The following PKHD1 variants were observed in gnomAD, a reference collection of about 807,000 sequenced individuals.
The protein encoded by PKHD1 is fibrocystin.
A neutral mutation model predicts 412.0 loss-of-function variants in PKHD1; 291 were observed. The ratio of observed to expected loss-of-function variants is 0.71; its 90% CI spans 0.64 to 0.78. The LOEUF is 0.78. Among genes scored for constraint, PKHD1 ranks in the 30% least tolerant of loss-of-function variants. The probability of loss-of-function intolerance (pLI) is 0.00; values close to 1 mark genes in which losing one functional copy is unlikely to be tolerated. For missense variants in PKHD1, 4,825 were observed against 4,950.7 expected (o/e 0.97, Z 0.76); for synonymous variants, 1,777 against 1,821.5 (o/e 0.98, Z 0.62).
intron 53 of PKHD1, among the ~76,000 whole-genome samples, chr6:51,786,961 C>G (rs979724128): frequency 6.6e-6 from 1 of 152,212 alleles, no homozygotes; most frequent in African/African-American, 2.4e-5. Context: ...AGCTATGGCC[C>G]TCTAAGCAAA....
At chr6:51,637,645 C>T (rs1044798387) in intron 64 of PKHD1, among the ~76,000 whole-genome samples, 4 of 151,422 alleles carry the variant, frequency 2.6e-5, no homozygotes, top group Non-Finnish European at 5.9e-5. Context: ...GTGACTGATG[C>T]CTGTAATCCC....
intron 46 of PKHD1, among the ~76,000 whole-genome samples, chr6:51,877,263 C>A (rs1482244024): frequency 1.4e-5 from 1 of 72,094 alleles, no homozygotes; most frequent in African/African-American, 7.0e-5. Context: ...ACCAAGCAGA[C>A]CTAATAGACA....
At chr6:51,949,524 G>A (rs543464058) in intron 36 of PKHD1, among the ~76,000 whole-genome samples, 3 of 152,280 alleles carry the variant, frequency 2.0e-5, no homozygotes, top group African/African-American at 4.8e-5. Context: ...ATTGTGACAC[G>A]GATGGACACA....
intron 60 of PKHD1, among the ~76,000 whole-genome samples, chr6:51,688,760 T>A (rs1777775837): frequency 6.6e-6 from 1 of 152,094 alleles, no homozygotes; most frequent in Admixed American, 6.5e-5. Flanking sequence ...AAGAAATGGA[T>A]AAATTCCTGG....
At position 52,034,753 on chromosome 6, in the gene PKHD1, A is replaced by T. The variant is rs181285970; in HGVS notation, c.3228+838T>A. On this transcript the variant is annotated intron_variant, in intron 28 of 66. Coordinates refer to ENST00000371117, the MANE Select transcript of PKHD1 (RefSeq NM_138694.4). ...TTTAGAAATTATCTAAGTGTCTGGT[A>T]ATAAGGAATAGTTAAACAAATTAGA... 6.8e-3 allele frequency among the ~76,000 whole-genome samples: 1,030 copies of T among 152,356 alleles called. 5 individuals are homozygous for T. Among genetic ancestry groups the T allele is most frequent in the Non-Finnish European group, 9.5e-3 (643 of 68,030 alleles).
chr6:51,788,936 G>A (rs779549698), intron 53 of PKHD1, among the ~76,000 whole-genome samples: 1 of 152,130 alleles, frequency 6.6e-6, no homozygotes, highest in Non-Finnish European at 1.5e-5. Flanking sequence ...GGTGCCCAGA[G>A]GTTGACTTGC....
At position 51,705,371 on chromosome 6, in the gene PKHD1, C is replaced by T. The variant is rs551687232; in HGVS notation, c.10156+39014G>A. The stretch of plus-strand genomic sequence containing the variant: ...TCAGTGAAGTGATGAGGGGAAAAGC[C>T]CATGGCAGTGAGGAGAGGGTGAGTA... On this transcript the variant is annotated intron_variant, in intron 60 of 66. Transcript: ENST00000371117. Among the ~76,000 whole-genome samples the T allele has an allele frequency of 7.2e-5, 11 of 152,162 alleles. No individual in the cohort carries two copies. The South Asian group carries it at 2.3e-3, about 32-fold the overall frequency.
intron 50 of PKHD1, among the ~76,000 whole-genome samples, chr6:51,841,617 A>T (rs1770223716): frequency 6.6e-6 from 1 of 152,214 alleles, no homozygotes; most frequent in Admixed American, 6.5e-5. Flanking sequence ...ATAAGAATGT[A>T]AATTAATTTA....
Position 51,772,791 on chromosome 6 carries a change from T to G in PKHD1, c.8555-2A>C, listed in dbSNP as rs1020621286. 1 of 1,540,552 alleles carries G rather than the reference T, an allele frequency of 6.5e-7. No individual in the cohort carries two copies. The highest frequency in any genetic ancestry group is 9.0e-7 in the Non-Finnish European group (1 of 1,113,878). Reference sequence around the variant, plus strand: ...AAAGATGAACTTTCCCATAAACCCCTGAAAATAAAAGGAGTAACAGTTGGA... The same window carrying G: ...AAAGATGAACTTTCCCATAAACCCCGGAAAATAAAAGGAGTAACAGTTGGA... On this transcript the variant is annotated splice_acceptor_variant, in intron 54 of 66. Coordinates refer to ENST00000371117, the MANE Select transcript of PKHD1 (RefSeq NM_138694.4). LOFTEE classifies it high-confidence loss of function.
intron 37 of PKHD1, among the ~76,000 whole-genome samples, chr6:51,930,787 C>G (rs1345997987): frequency 2.0e-5 from 3 of 152,170 alleles, no homozygotes; most frequent in Non-Finnish European, 4.4e-5. Flanking sequence ...TTCTAAGAAG[C>G]CTTTTGTAAC....
intron 60 of PKHD1, among the ~76,000 whole-genome samples, chr6:51,737,734 G>GTA (rs1784037363): frequency 1.3e-5 from 2 of 151,642 alleles, no homozygotes; most frequent in African/African-American, 4.9e-5. Flanking sequence ...GTGAGTGTGT[G>GTA]TGTGTGTGTG....
At chr6:51,971,451 ACAT>A (rs1793651403) in intron 35 of PKHD1, among the ~76,000 whole-genome samples, 1 of 152,204 alleles carries the variant, frequency 6.6e-6, no homozygotes, top group African/African-American at 2.4e-5. Flanking sequence ...CTCACACAGG[ACAT>A]GCAACATGGA....
At chr6:51,755,649 T>C (rs1786862782) in intron 55 of PKHD1, among the ~76,000 whole-genome samples, 1 of 152,218 alleles carries the variant, frequency 6.6e-6, no homozygotes, top group Non-Finnish European at 1.5e-5. Context: ...ATGACTGTTT[T>C]ATTTTCTTCA....
intron 52 of PKHD1, among the ~76,000 whole-genome samples, chr6:51,823,220 C>T (rs1292280018): frequency 6.6e-6 from 1 of 152,082 alleles, no homozygotes; most frequent in Non-Finnish European, 1.5e-5. Context: ...CTCTGGGAGA[C>T]TGAGGTGGAG....
At chr6:51,940,651 G>A (rs774282188) in intron 36 of PKHD1, among the ~76,000 whole-genome samples, 1 of 151,718 alleles carries the variant, frequency 6.6e-6, no homozygotes, top group African/African-American at 2.4e-5. Flanking sequence ...ATAAGCAGCT[G>A]AAGACTGATA....
At chr6:51,718,587 A>G (rs1781541545) in intron 60 of PKHD1, among the ~76,000 whole-genome samples, 1 of 152,170 alleles carries the variant, frequency 6.6e-6, no homozygotes, top group Non-Finnish European at 1.5e-5. Flanking sequence ...TGAGATCTGA[A>G]GTTGGGCACA....
chr6:51,744,611 A>G (rs529448240), intron 59 of PKHD1, 69 bp from the exon 60 acceptor site: 3 of 1,149,568 alleles, frequency 2.6e-6, no homozygotes, highest in Non-Finnish European at 3.9e-6. Context: ...ATACATTGGT[A>G]GTGCTAATGT....
In PKHD1 at chr6:52,027,745, G is replaced by A. The variant is rs1244841233; in HGVS notation, c.3628+84C>T. On this transcript the variant is annotated intron_variant, in intron 31 of 66. Coordinates refer to ENST00000371117, the MANE Select transcript of PKHD1 (RefSeq NM_138694.4). ...GTTTCCCCTCTCTCTGACCTCACTG[G>A]CAAATTAATCCAGAAACAAAATCTG... is the stretch of plus-strand genomic sequence containing the variant. 2.9e-6 allele frequency: 3 copies of A among 1,041,286 alleles called. No homozygotes were observed. In the African/African-American group the frequency reaches 4.7e-5, roughly 16 times the overall value. 64.5% of individuals were successfully genotyped at this position (1,041,286 alleles called of 1,614,324 possible). A position where few individuals can be genotyped will look rare whatever the true frequency, so the allele number is the denominator to read the frequency against.
intron 60 of PKHD1, among the ~76,000 whole-genome samples, chr6:51,725,412 T>C (rs1237163311): frequency 6.6e-6 from 1 of 152,208 alleles, no homozygotes; most frequent in African/African-American, 2.4e-5. Context: ...TTGGAAGAGA[T>C]GTGTTTCAGC....
Sources: gnomAD v4.1 joint callset for allele counts (sites outside exome capture counted in the v4.1 genomes callset) on GRCh38, gnomAD v4.1.1 for gene constraint, MANE v1.5 for transcripts, NCBI Gene and HGNC (gene_info 2026-07-23, HGNC 2026-07-21) for gene names.